Variants in CAV2 observed in about 807,000 individuals in gnomAD.
The protein encoded by CAV2 is caveolin-2.
A neutral mutation model predicts 15.5 loss-of-function variants in CAV2; 7 were observed. That is an observed-to-expected ratio of 0.45 (90% CI 0.26 to 0.85). The LOEUF (loss-of-function observed/expected upper bound fraction) is 0.85. Ranked by LOEUF, CAV2 falls within the 40% of genes least tolerant of loss-of-function variation. CAV2 has a pLI of 0.18. For missense variants in CAV2, 229 were observed against 208.8 expected (o/e 1.10, Z -0.60); for synonymous variants, 76 against 83.1 (o/e 0.91, Z 0.46).
chr7:116,500,568 C>A, intron 2 of CAV2, 121 bp downstream of exon 2: 1 of 881,074 alleles, frequency 1.1e-6, no homozygotes. Flanking sequence ...CATCAGTTCC[C>A]AAGCAGTAGG....
chr7:116,500,431 A>G lies in CAV2; in HGVS notation c.322A>G (p.Ser108Gly), dbSNP rs1793075187. 6.2e-6 allele frequency: 10 copies of G among 1,613,460 alleles called. No homozygotes were observed. The highest frequency in any genetic ancestry group is 8.5e-6 in the Non-Finnish European group (10 of 1,179,734). ...TGCGGGAATTCTCTTTGCCACCCTC[A>G]GCTGTCTGCACATCTGGTGAGACGG... ...FIAGILFATLSCLHIWILMPF... is the reference protein window; with the variant it reads ...FIAGILFATLGCLHIWILMPF... The change falls in exon 2 of 3, where the codon AGC becomes GGC. Residue 108 changes from serine to glycine, a missense_variant. Transcript: ENST00000222693.
Position 116,506,342 on chromosome 7 carries a change from C to T in CAV2, c.*221C>T, listed in dbSNP as rs951654821. Reference sequence around the variant, plus strand: ...ATCTAACTTTGTAACCAGAATTATACAGTAAGTTGACACCACTTAGATTTA... The same window carrying T: ...ATCTAACTTTGTAACCAGAATTATATAGTAAGTTGACACCACTTAGATTTA... On this transcript the variant is annotated 3_prime_UTR_variant, in exon 3 of 3. Transcript: ENST00000222693. 2.0e-5 allele frequency: 10 copies of T among 488,804 alleles called. No homozygotes were observed. The highest frequency in any genetic ancestry group is 1.8e-5 in the Non-Finnish European group (5 of 278,880). 30.3% of individuals were successfully genotyped at this position (488,804 alleles called of 1,614,324 possible). A position where few individuals can be genotyped will look rare whatever the true frequency, so the allele number is the denominator to read the frequency against.
chr7:116,504,036 GA>G, intron 2 of CAV2, among the ~76,000 whole-genome samples: 1 of 57,542 alleles, frequency 1.7e-5, no homozygotes, highest in East Asian at 6.2e-4. Context: ...GAAAGAGAAA[GA>G]AAAAGAAAGA....
Position 116,499,845 on chromosome 7 carries a change from C to T in CAV2, c.64C>T (p.His22Tyr), listed in dbSNP as rs1426103421. 4 of 1,608,842 alleles carry T rather than the reference C, an allele frequency of 2.5e-6. No individual in the cohort carries two copies. Among genetic ancestry groups the T allele is most frequent in the East Asian group, 2.2e-5 (1 of 44,676 alleles). Reference protein sequence around the residue: ...LFMDDDSYSHHSGLEYADPEK... With the variant: ...LFMDDDSYSHYSGLEYADPEK... ...CATGGACGACGACTCCTACAGCCAC[C>T]ACAGCGGCCTCGAGTACGCCGACCC... The change falls in exon 1 of 3, where the codon CAC becomes TAC. Residue 22 changes from histidine to tyrosine, a missense_variant. Transcript: ENST00000222693.
chr7:116,506,400 T>C lies in CAV2; in HGVS notation c.*279T>C. On this transcript the variant is annotated 3_prime_UTR_variant, in exon 3 of 3. Transcript: ENST00000222693. ...ACAGTTTTGCTTTAGTACAATAGTA[T>C]ACATTTTATAATGATGAACTTATAA... The C allele has an allele frequency of 6.5e-6, 2 of 309,934 alleles. No homozygotes were observed. Among genetic ancestry groups the C allele is most frequent in the Non-Finnish European group, 5.9e-6 (1 of 170,032 alleles). The allele number at this position is 309,934 out of a possible 1,614,324, so 19.2% of individuals were successfully genotyped here. A position where few individuals can be genotyped will look rare whatever the true frequency, so the allele number is the denominator to read the frequency against.
rs561632724 is a variant in CAV2 at position 116,505,438 on chromosome 7, C to T, written c.339-533C>T. On this transcript the variant is annotated intron_variant, in intron 2 of 2. Coordinates refer to ENST00000222693, the MANE Select transcript of CAV2 (RefSeq NM_001233.5). ...CCATTTGCATTACTATGAAGGAATA[C>T]CTGAGACTAGGTTATTTATAAAGAA... 3.3e-5 allele frequency among the ~76,000 whole-genome samples: 5 copies of T among 152,208 alleles called. No homozygotes were observed. The East Asian group carries it at 5.8e-4, about 18-fold the overall frequency.
intron 2 of CAV2, among the ~76,000 whole-genome samples, chr7:116,503,430 A>C (rs527409404): frequency 6.6e-6 from 1 of 152,294 alleles, no homozygotes; most frequent in South Asian, 2.1e-4. Context: ...GCTTTGCTGA[A>C]CAAGAAGATT....
intron 2 of CAV2, 49 bp downstream of exon 2, chr7:116,500,496 T>G: frequency 6.4e-7 from 1 of 1,560,294 alleles, no homozygotes; most frequent in South Asian, 1.2e-5. Flanking sequence ...CATGGGCATA[T>G]TCTCCGCCAC....
Position 116,508,354 on chromosome 7 carries a change from A to T in CAV2, c.*2233A>T, listed in dbSNP as rs199941512. The T allele has an allele frequency of 4.9e-5, 2 of 40,560 alleles. No individual in the cohort carries two copies. Among genetic ancestry groups the T allele is most frequent in the African/African-American group, 1.3e-4 (2 of 15,400 alleles). The allele number at this position is 40,560 out of a possible 1,614,324, so 2.5% of individuals were successfully genotyped here. On this transcript the variant is annotated 3_prime_UTR_variant, in exon 3 of 3. Coordinates refer to ENST00000222693, the MANE Select transcript of CAV2 (RefSeq NM_001233.5). ...TAACATGACTTCCTTATTTCTGAACAGTACTGGTTACTTTCAAAATGAATT... is the reference window on the plus strand; with the variant it reads ...TAACATGACTTCCTTATTTCTGAACTGTACTGGTTACTTTCAAAATGAATT...
In CAV2 at chr7:116,506,098, A is replaced by C. The variant is rs1793231642; in HGVS notation, c.466A>C (p.Ser156Arg). 10 of 1,614,042 alleles carry C rather than the reference A, an allele frequency of 6.2e-6. No homozygotes were observed. The highest frequency in any genetic ancestry group is 8.5e-6 in the Non-Finnish European group (10 of 1,180,016). The change falls in exon 3 of 3, where the codon AGC becomes CGC. Residue 156 changes from serine (S) to arginine (R), a missense_variant. Ser to Arg is a moderately radical substitution (Grantham distance 110). Transcript: ENST00000222693. ...CGTAGGACGATGCTTCTCTTCTGTC[A>C]GCCTGCAACTGAGCCAGGATTGAAT... ...TSVGRCFSSV[S>R]LQLSQD
chr7:116,505,558 T>C (rs768448319), intron 2 of CAV2, among the ~76,000 whole-genome samples: 16 of 151,988 alleles, frequency 1.1e-4, no homozygotes, highest in Admixed American at 2.0e-4. Context: ...CTTCCACTTA[T>C]AGTGGAAGGA....
chr7:116,506,946 T>C lies in CAV2; in HGVS notation c.*825T>C, dbSNP rs534888365. The C allele has an allele frequency of 1.3e-4, 20 of 152,392 alleles. No homozygotes were observed. The East Asian group carries it at 3.9e-3, about 29-fold the overall frequency. The allele number at this position is 152,392 out of a possible 1,614,324, so 9.4% of individuals were successfully genotyped here. Reference sequence around the variant, plus strand: ...GATAAAAGAGCGATACACAAAGCTTTCTTTTCTAACTTTTCCAAGCAAAAT... The same window carrying C: ...GATAAAAGAGCGATACACAAAGCTTCCTTTTCTAACTTTTCCAAGCAAAAT... On this transcript the variant is annotated 3_prime_UTR_variant, in exon 3 of 3. Transcript: ENST00000222693.
intron 2 of CAV2, 48 bp downstream of exon 2, chr7:116,500,495 A>G (rs1345224169): frequency 1.9e-6 from 3 of 1,558,114 alleles, no homozygotes; most frequent in Non-Finnish European, 2.6e-6. Context: ...ACATGGGCAT[A>G]TTCTCCGCCA....
In CAV2 at chr7:116,500,395, C is replaced by G. The variant is rs535289894; in HGVS notation, c.286C>G (p.Leu96Val). The G allele has an allele frequency of 7.2e-5, 116 of 1,614,190 alleles. 2 individuals carry two copies. In the South Asian group the frequency reaches 1.2e-3, roughly 17 times the overall value. ...KFLTVFLAIP[L>V]AFIAGILFAT... ...CCTGACGGTGTTCCTGGCCATTCCC[C>G]TGGCCTTCATTGCGGGAATTCTCTT... is the stretch of plus-strand genomic sequence containing the variant. The change falls in exon 2 of 3, where the codon CTG (leucine) becomes GTG (valine). Residue 96 changes from leucine to valine, a missense_variant. Coordinates refer to ENST00000222693, the MANE Select transcript of CAV2 (RefSeq NM_001233.5).
chr7:116,505,728 C>G (rs1369797534), intron 2 of CAV2, among the ~76,000 whole-genome samples: 1 of 152,156 alleles, frequency 6.6e-6, no homozygotes, highest in Non-Finnish European at 1.5e-5. Context: ...GAGGGATCTA[C>G]CCGCTGTGAT....
chr7:116,503,761 C>T (rs1201035823), intron 2 of CAV2, among the ~76,000 whole-genome samples: 1 of 150,932 alleles, frequency 6.6e-6, no homozygotes, highest in Non-Finnish European at 1.5e-5. Context: ...ACCCGGGAGG[C>T]GAAGGTTGCA....
chr7:116,504,839 T>A (rs978200942), intron 2 of CAV2, among the ~76,000 whole-genome samples: 2 of 152,242 alleles, frequency 1.3e-5, no homozygotes, highest in East Asian at 1.9e-4. Flanking sequence ...CAGGATAGAC[T>A]AGTTTTCTTG....
chr7:116,505,056 G>A (rs1317431923), intron 2 of CAV2, among the ~76,000 whole-genome samples: 1 of 152,198 alleles, frequency 6.6e-6, no homozygotes, highest in Non-Finnish European at 1.5e-5. Context: ...ACGCTAGTAG[G>A]AAAGACAGAA....
chr7:116,501,135 T>C (rs1235156778), intron 2 of CAV2: 1 of 152,212 alleles, frequency 6.6e-6, no homozygotes, highest in Non-Finnish European at 1.5e-5. Context: ...GGGAAAGAAA[T>C]ATGGAAGCCC....
Sources: allele counts gnomAD v4.1 joint callset (sites outside exome capture counted in the v4.1 genomes callset), GRCh38; gene constraint gnomAD v4.1.1; transcripts MANE v1.5; gene names NCBI Gene and HGNC (gene_info 2026-07-23, HGNC 2026-07-21).